Variants in BTN2A2 observed in about 807,000 individuals in gnomAD.
The protein encoded by BTN2A2 is butyrophilin subfamily 2 member A2.
Under a neutral mutation model 34.7 loss-of-function variants are expected in BTN2A2, and 29 were observed. That is an observed-to-expected ratio of 0.84 (90% confidence interval 0.62 to 1.14). The LOEUF (loss-of-function observed/expected upper bound fraction) is 1.14, where lower values mean the gene tolerates loss of function less well. BTN2A2 is among the 50% of genes most tolerant of loss of function. The probability of loss-of-function intolerance (pLI) is 0.00; values close to 1 mark genes in which losing one functional copy is unlikely to be tolerated. For synonymous variants in BTN2A2, 240 were observed against 253.1 expected, an observed-to-expected ratio of 0.95 and a Z score of 0.49; for missense variants, 612 against 651.5, an observed-to-expected ratio of 0.94 and a Z score of 0.66.
Position 26,388,043 on chromosome 6 carries a change from A to AGG in BTN2A2, c.474_475dup (p.Ala159GlyfsTer36). ...GGGTCTAAGCCCCTCATTGAAATCA[A>AGG]GGCCCAAGAGGATGGGAGCATCTGG... On this transcript the variant is annotated frameshift_variant, in exon 4 of 8. Transcript: ENST00000356709. LOFTEE classifies it high-confidence loss of function. 38 of 1,613,856 alleles carry AGG rather than the reference A, an allele frequency of 2.4e-5. 1 individual carries two copies. Among genetic ancestry groups the AGG allele is most frequent in the Non-Finnish European group, 3.2e-5 (38 of 1,179,844 alleles).
At chr6:26,389,963 T>G (rs1391385598) in intron 4 of BTN2A2, 42 bp from the exon 5 acceptor site, 1 of 1,594,642 alleles carries the variant, frequency 6.3e-7, no homozygotes, top group African/African-American at 1.3e-5. Flanking sequence ...CATCCAGATG[T>G]TCTATTTCAA....
Position 26,392,376 on chromosome 6 carries a change from T to C in BTN2A2, c.981T>C (p.Ala327=). The stretch of plus-strand genomic sequence containing the variant: ...ATAAACCTGAGACTTCCTCTGCAGC[T>C]GATGTGGTCCTGGATCCAGACACCG... The part of the protein sequence containing the change: ...LRWRRTFLHA[A]DVVLDPDTAH... The change falls in exon 8 of 8, where the codon GCT becomes GCC. Residue 327 remains alanine (A), a splice_region_variant and synonymous_variant. Transcript: ENST00000356709. 6.2e-7 allele frequency: 1 copy of C among 1,614,096 alleles called. No homozygotes were observed. Among genetic ancestry groups the C allele is most frequent in the Non-Finnish European group, 8.5e-7 (1 of 1,179,950 alleles).
intron 4 of BTN2A2, among the ~76,000 whole-genome samples, chr6:26,389,685 C>CT (rs1761444469): frequency 6.6e-6 from 1 of 152,190 alleles, no homozygotes; most frequent in Non-Finnish European, 1.5e-5. Flanking sequence ...GGAGGGCACT[C>CT]TAGTATTCCA....
Position 26,393,048 on chromosome 6 carries a change from C to A in BTN2A2, c.*81C>A. On this transcript the variant is annotated 3_prime_UTR_variant, in exon 8 of 8. Transcript: ENST00000356709. ...ACCGCACAACCCCCCTAATGAAAGA[C>A]ACGCCCTCCTCCCCTCTGGTCACGT... 1 of 1,612,446 alleles carries A rather than the reference C, an allele frequency of 6.2e-7. No homozygotes were observed. Among genetic ancestry groups the A allele is most frequent in the Non-Finnish European group, 8.5e-7 (1 of 1,179,078 alleles).
intron 3 of BTN2A2, 196 bp downstream of exon 3, chr6:26,385,558 T>A: frequency 1.7e-6 from 1 of 583,094 alleles, no homozygotes; most frequent in Non-Finnish European, 3.0e-6. Context: ...ACTTCTTTTT[T>A]TTTTTTTTTC....
At chr6:26,387,978 C>T (rs756057337) in intron 3 of BTN2A2, 35 bp from the exon 4 acceptor site, 9 of 1,584,288 alleles carry the variant, frequency 5.7e-6, no homozygotes, top group Non-Finnish European at 7.7e-6. Flanking sequence ...TAAGATACCA[C>T]TGCCTTTTGG....
intron 4 of BTN2A2, 100 bp from the exon 5 acceptor site, chr6:26,389,905 A>AGAACAGGT: frequency 8.8e-7 from 1 of 1,141,178 alleles, no homozygotes; most frequent in Non-Finnish European, 1.3e-6. Flanking sequence ...AGAAGCCAAC[A>AGAACAGGT]GAACAGGTGG....
At chr6:26,390,308 C>T (rs1173205833) in intron 5 of BTN2A2, 97 bp downstream of exon 5, 1 of 1,247,162 alleles carries the variant, frequency 8.0e-7, no homozygotes, top group African/African-American at 1.5e-5. Flanking sequence ...AGAAAGGCCA[C>T]AGCTCTCACA....
rs753563746 is a variant in BTN2A2 at position 26,384,936 on chromosome 6, GTTTTTGT to G, written c.95-61_95-55del. Reference sequence around the variant, plus strand: ...TCCCTGGAGTTTTTTTTGTTTGTTTGTTTTTGTTTTTTGTTTTTTGTTTTGCCTTAGA... The same window carrying G: ...TCCCTGGAGTTTTTTTTGTTTGTTTGTTTTTGTTTTTTGTTTTGCCTTAGA... On this transcript the variant is annotated intron_variant, in intron 2 of 7. Transcript: ENST00000356709. The surrounding 1 kb of genome is among the most constrained non-coding windows in gnomAD (Gnocchi z 4.0). The G allele has an allele frequency of 3.5e-5, 49 of 1,394,258 alleles. No individual in the cohort carries two copies. The East Asian group carries it at 5.6e-4, about 16-fold the overall frequency. 86.4% of individuals were successfully genotyped at this position (1,394,258 alleles called of 1,614,324 possible).
chr6:26,392,399 C>T lies in BTN2A2; in HGVS notation c.1004C>T (p.Thr335Ile), dbSNP rs1437285966. ...HAADVVLDPD[T>I]AHPELFLSED... is the part of the protein sequence containing the mutation. The stretch of plus-strand genomic sequence containing the variant: ...GCTGATGTGGTCCTGGATCCAGACA[C>T]CGCTCATCCCGAGCTCTTCCTGTCA... Residue 335 changes from threonine (T) to isoleucine (I), a missense_variant, in exon 8 of 8, where the codon ACC becomes ATC. Physicochemically the swap from Thr to Ile is moderately conservative, Grantham distance 89. Coordinates refer to ENST00000356709, the MANE Select transcript of BTN2A2 (RefSeq NM_006995.5). 1.2e-6 allele frequency: 2 copies of T among 1,614,180 alleles called. No individual in the cohort carries two copies. Among genetic ancestry groups the T allele is most frequent in the Admixed American group, 3.3e-5 (2 of 60,024 alleles).
At position 26,393,033 on chromosome 6, in the gene BTN2A2, C is replaced by A. The variant is rs989169136; in HGVS notation, c.*66C>A. Reference sequence around the variant, plus strand: ...GCCATCTCAGCAGCCACCGCACAACCCCCCTAATGAAAGACACGCCCTCCT... The same window carrying A: ...GCCATCTCAGCAGCCACCGCACAACACCCCTAATGAAAGACACGCCCTCCT... On this transcript the variant is annotated 3_prime_UTR_variant, in exon 8 of 8. Transcript: ENST00000356709. 5.5e-5 allele frequency: 88 copies of A among 1,612,780 alleles called. No individual in the cohort carries two copies. The African/African-American group carries it at 6.0e-4, about 11-fold the overall frequency.
At position 26,383,698 on chromosome 6, in the gene BTN2A2, C is replaced by G; in HGVS notation, c.-30-94C>G. 1 of 926,588 alleles carries G rather than the reference C, an allele frequency of 1.1e-6. No homozygotes were observed. The highest frequency in any genetic ancestry group is 1.7e-6 in the Non-Finnish European group (1 of 584,004). 57.4% of individuals were successfully genotyped at this position (926,588 alleles called of 1,614,324 possible). ...AAGCGACTCCCAGAAGTTGGGGCAC[C>G]GATGAGACCTACTTGAGTGACAGGA... On this transcript the variant is annotated intron_variant, in intron 1 of 7. Coordinates refer to ENST00000356709, the MANE Select transcript of BTN2A2 (RefSeq NM_006995.5). This position sits in a 1 kb window ranked among gnomAD's most constrained non-coding sequence, Gnocchi z 4.4.
rs1761678431 is a variant in BTN2A2 at position 26,392,752 on chromosome 6, G to A, written c.1357G>A (p.Glu453Lys). 3 of 1,614,174 alleles carry A rather than the reference G, an allele frequency of 1.9e-6. No homozygotes were observed. The highest frequency in any genetic ancestry group is 2.2e-5 in the East Asian group (1 of 44,874). The change falls in exon 8 of 8, where the codon GAA becomes AAA. Residue 453 changes from glutamate (E) to lysine (K), a missense_variant. By Grantham distance (56) the Glu-to-Lys change is moderately conservative. Transcript: ENST00000356709. ...CCGGGTGGGCGTCTTCCTGGACTAT[G>A]AAGCTGGAGATGTCTCCTTCTACAA... Reference protein sequence around the residue: ...LCRVGVFLDYEAGDVSFYNMR... With the variant: ...LCRVGVFLDYKAGDVSFYNMR...
Position 26,392,463 on chromosome 6 carries a change from G to A in BTN2A2, c.1068G>A (p.Gln356=). 1 of 1,614,256 alleles carries A rather than the reference G, an allele frequency of 6.2e-7. No individual in the cohort carries two copies. The highest frequency in any genetic ancestry group is 1.7e-5 in the Admixed American group (1 of 60,030). The change falls in exon 8 of 8, where the codon CAG becomes CAA. Residue 356 remains glutamine, a synonymous_variant. Coordinates refer to ENST00000356709, the MANE Select transcript of BTN2A2 (RefSeq NM_006995.5). The part of the protein sequence containing the change: ...RRSVRRGPYR[Q]RVPDNPERFD... ...GTGTGAGGCGGGGCCCCTACAGGCA[G>A]AGAGTGCCTGACAACCCAGAGAGAT...
Position 26,387,995 on chromosome 6 carries a change from C to T in BTN2A2, c.443-18C>T. 6.2e-7 allele frequency: 1 copy of T among 1,601,536 alleles called. No homozygotes were observed. Among genetic ancestry groups the T allele is most frequent in the Non-Finnish European group, 8.5e-7 (1 of 1,171,876 alleles). On this transcript the variant is annotated intron_variant, in intron 3 of 7. Transcript: ENST00000356709. ...AGATACCACTGCCTTTTGGCTGAGC[C>T]CTGGTCTCCCTTTCCAGGCCTTGGG... is the stretch of plus-strand genomic sequence containing the variant.
chr6:26,385,498 CT>C, intron 3 of BTN2A2, 136 bp downstream of exon 3: 1 of 841,172 alleles, frequency 1.2e-6, no homozygotes, highest in Non-Finnish European at 1.8e-6. Context: ...GTGGCTTCCT[CT>C]TGCACAAAGG....
Position 26,388,306 on chromosome 6 carries a change from G to A in BTN2A2, c.724+12G>A. 1 of 1,613,528 alleles carries A rather than the reference G, an allele frequency of 6.2e-7. No homozygotes were observed. The highest frequency in any genetic ancestry group is 8.5e-7 in the Non-Finnish European group (1 of 1,179,618). On this transcript the variant is annotated intron_variant, in intron 4 of 7. Transcript: ENST00000356709. ...CATTTTTATTCCAGGTTAGTTCTCT[G>A]CCCTCTGAGACCTATCAAGTGTATG...
At position 26,394,204 on chromosome 6, in the gene BTN2A2, A is replaced by G. The variant is rs1435944475; in HGVS notation, c.*1237A>G. ...TTATTAACACTGGGGACTCCTTAAG[A>G]GTACATCAGAGTTCTCTCTAGGAAT... On this transcript the variant is annotated 3_prime_UTR_variant, in exon 8 of 8. Transcript: ENST00000356709. 2.9e-6 allele frequency: 2 copies of G among 680,816 alleles called. No homozygotes were observed. The highest frequency in any genetic ancestry group is 5.4e-6 in the Non-Finnish European group (2 of 373,004). 42.2% of individuals were successfully genotyped at this position (680,816 alleles called of 1,614,324 possible).
At position 26,384,953 on chromosome 6, in the gene BTN2A2, T is replaced by C. The variant is rs1415971342; in HGVS notation, c.95-62T>C. On this transcript the variant is annotated intron_variant, in intron 2 of 7. Coordinates refer to ENST00000356709, the MANE Select transcript of BTN2A2 (RefSeq NM_006995.5). The surrounding 1 kb of genome is among the most constrained non-coding windows in gnomAD (Gnocchi z 4.0). ...GTTTGTTTGTTTTTGTTTTTTGTTT[T>C]TTGTTTTGCCTTAGAGTTGTGATAA... is the stretch of plus-strand genomic sequence containing the variant. 2.0e-6 allele frequency: 3 copies of C among 1,506,896 alleles called. No homozygotes were observed. The highest frequency in any genetic ancestry group is 2.7e-6 in the Non-Finnish European group (3 of 1,116,546). The allele number at this position is 1,506,896 out of a possible 1,614,324, so 93.3% of individuals were successfully genotyped here. A position where few individuals can be genotyped will look rare whatever the true frequency, so the allele number is the denominator to read the frequency against.
Sources: gnomAD v4.1 joint callset for allele counts (sites outside exome capture counted in the v4.1 genomes callset) on GRCh38, gnomAD v4.1.1 for gene constraint, Gnocchi (gnomAD v3.1) non-coding constraint, MANE v1.5 for transcripts, NCBI Gene and HGNC (gene_info 2026-07-23, HGNC 2026-07-21) for gene names.